Variants in ASTN2 observed in about 807,000 individuals in gnomAD.
ASTN2 encodes astrotactin-2.
ASTN2 carries 54 observed loss-of-function variants against 139.8 expected under a neutral mutation model. That is an observed-to-expected ratio of 0.39 (90% CI 0.31 to 0.48). The LOEUF is 0.48. ASTN2 is among the 20% of genes least tolerant of loss of function. The pLI is 0.95. For synonymous variants in ASTN2, 756 were observed against 719.5 expected, an observed-to-expected ratio of 1.05 and a Z score of -0.81; for missense variants, 1,565 against 1,725.1, an observed-to-expected ratio of 0.91 and a Z score of 1.64.
intron 11 of ASTN2, among the ~76,000 whole-genome samples, chr9:116,837,194 G>A (rs79326439): frequency 1.8e-3 from 275 of 152,266 alleles, no homozygotes; most frequent in Non-Finnish European, 3.2e-3. Flanking sequence ...ATCTGGGCAG[G>A]GGCTTGAGAA....
chr9:116,896,834 A>G (rs1333255184), intron 10 of ASTN2, among the ~76,000 whole-genome samples: 1 of 152,182 alleles, frequency 6.6e-6, no homozygotes, highest in Non-Finnish European at 1.5e-5. Flanking sequence ...GCATGGGGAC[A>G]CCATCCCAGT....
chr9:117,082,154 T>A (rs1386678132), intron 5 of ASTN2, among the ~76,000 whole-genome samples: 1 of 152,176 alleles, frequency 6.6e-6, no homozygotes. Flanking sequence ...CAGATCTGGT[T>A]GGCAAATGTC....
At chr9:116,453,407 C>G (rs1192583509) in intron 20 of ASTN2, among the ~76,000 whole-genome samples, 1 of 151,158 alleles carries the variant, frequency 6.6e-6, no homozygotes, top group Non-Finnish European at 1.5e-5. Context: ...TCCTGGCTAA[C>G]ACGGTGAAAC....
intron 1 of ASTN2, among the ~76,000 whole-genome samples, chr9:117,334,252 G>A (rs966594989): frequency 2.6e-5 from 4 of 152,080 alleles, no homozygotes; most frequent in African/African-American, 9.7e-5. Context: ...AAAAGGGCTG[G>A]CATATGATGA....
At chr9:116,680,976 C>T (rs1859825536) in intron 16 of ASTN2, among the ~76,000 whole-genome samples, 1 of 152,146 alleles carries the variant, frequency 6.6e-6, no homozygotes, top group Admixed American at 6.5e-5. Flanking sequence ...GACAGGGATG[C>T]CCTCTCTCAC....
Position 116,876,313 on chromosome 9 carries a change from T to C in ASTN2, c.1890-12580A>G, listed in dbSNP as rs1344212171. Reference sequence around the variant, plus strand: ...TGACTGAATTGCTGCAATCTCATGATAAAACTAATGAGAAGTTGCTTCTTG... The same window carrying C: ...TGACTGAATTGCTGCAATCTCATGACAAAACTAATGAGAAGTTGCTTCTTG... On this transcript the variant is annotated intron_variant, in intron 10 of 22. Transcript: ENST00000313400. 2.0e-5 allele frequency among the ~76,000 whole-genome samples: 3 copies of C among 152,216 alleles called. No homozygotes were observed. The East Asian group carries it at 5.8e-4, about 29-fold the overall frequency.
Position 116,534,831 on chromosome 9 carries a change from T to C in ASTN2, c.3356-47331A>G, listed in dbSNP as rs538481780. 5.3e-5 allele frequency among the ~76,000 whole-genome samples: 8 copies of C among 152,348 alleles called. No homozygotes were observed. In the East Asian group the frequency reaches 1.2e-3, roughly 22 times the overall value. ...GCGATGTGGTGCTGAGAAGAATGTA[T>C]ATTCTGTTGACTTGGGGTGGAGAGT... On this transcript the variant is annotated intron_variant, in intron 19 of 22. Coordinates refer to ENST00000313400, the MANE Select transcript of ASTN2 (RefSeq NM_001365068.1).
chr9:116,878,624 T>C (rs760936705), intron 10 of ASTN2, among the ~76,000 whole-genome samples: 3 of 151,972 alleles, frequency 2.0e-5, no homozygotes, highest in Non-Finnish European at 4.4e-5. Flanking sequence ...GATGGGTTGA[T>C]AGGTGCAGCA....
At chr9:117,002,912 T>C (rs1837232623) in intron 7 of ASTN2, among the ~76,000 whole-genome samples, 1 of 152,218 alleles carries the variant, frequency 6.6e-6, no homozygotes, top group Admixed American at 6.5e-5. Context: ...CCCCTTCATC[T>C]GTTCAGGGCT....
intron 12 of ASTN2, among the ~76,000 whole-genome samples, chr9:116,815,489 T>C (rs1831286879): frequency 6.6e-6 from 1 of 151,968 alleles, no homozygotes; most frequent in Admixed American, 6.6e-5. Flanking sequence ...CTCTAAATGA[T>C]CTGAAAAATA....
intron 22 of ASTN2, among the ~76,000 whole-genome samples, chr9:116,429,705 G>C (rs1847435542): frequency 6.6e-6 from 1 of 152,110 alleles, no homozygotes; most frequent in African/African-American, 2.4e-5. Flanking sequence ...ATATGAACTA[G>C]TTTAAGCCTT....
chr9:116,829,498 C>T (rs1218314661), intron 11 of ASTN2, among the ~76,000 whole-genome samples: 2 of 152,002 alleles, frequency 1.3e-5, no homozygotes, highest in African/African-American at 4.8e-5. Context: ...GTTTAATTGG[C>T]TTATGGTTTC....
At chr9:116,732,889 A>G (rs1333092326) in intron 14 of ASTN2, among the ~76,000 whole-genome samples, 1 of 152,106 alleles carries the variant, frequency 6.6e-6, no homozygotes, top group African/African-American at 2.4e-5. Flanking sequence ...TAGCTTCCTA[A>G]TCTATCAAAT....
At chr9:117,013,492 T>A (rs147282982) in intron 6 of ASTN2, among the ~76,000 whole-genome samples, 50,172 of 147,658 alleles carry the variant, frequency 0.34, 8,952 homozygotes, top group Admixed American at 0.47. Flanking sequence ...ATATATTTTT[T>A]TTTTTCTCCC....
intron 1 of ASTN2, among the ~76,000 whole-genome samples, chr9:117,358,673 A>T (rs1829612366): frequency 6.6e-6 from 1 of 152,138 alleles, no homozygotes; most frequent in East Asian, 1.9e-4. Flanking sequence ...CTTTCTCAGC[A>T]TCTGCTCTCT....
At chr9:116,467,457 A>C (rs1221352906) in intron 20 of ASTN2, among the ~76,000 whole-genome samples, 1 of 152,112 alleles carries the variant, frequency 6.6e-6, no homozygotes, top group Non-Finnish European at 1.5e-5. Flanking sequence ...AATAGAGACA[A>C]GGTTTCACCA....
In ASTN2 at chr9:117,089,512, T is replaced by TG. The variant is rs1554777251; in HGVS notation, c.1276+6531dup. ...AATAGACTCTTTTATTTATTTTTTG[T>TG]GTTTTTTTCCCCATTCTTTATTATT... On this transcript the variant is annotated intron_variant, in intron 5 of 22. Transcript: ENST00000313400. Among the ~76,000 whole-genome samples, 869 of 109,162 alleles carry TG rather than the reference T, an allele frequency of 8.0e-3. 23 individuals are homozygous for TG. Among genetic ancestry groups the TG allele is most frequent in the East Asian group, 0.07 (284 of 4,072 alleles). The allele number at this position is 109,162 out of a possible 152,430, so 71.6% of individuals were successfully genotyped here.
Position 117,379,256 on chromosome 9 carries a change from T to A in ASTN2, c.442+35241A>T, listed in dbSNP as rs140650619. Among the ~76,000 whole-genome samples, 895 of 152,176 alleles carry A rather than the reference T, an allele frequency of 5.9e-3. 3 individuals carry two copies. The highest frequency in any genetic ancestry group is 9.8e-3 in the Non-Finnish European group (666 of 68,006). On this transcript the variant is annotated intron_variant, in intron 1 of 22. Transcript: ENST00000313400. ...TTGATATGCTTCCCCACCACGACAG[T>A]CTAGAGCCGGGCGTAGGCAGCGAAA...
intron 2 of ASTN2, among the ~76,000 whole-genome samples, chr9:117,238,775 A>G (rs1428962887): frequency 6.6e-6 from 1 of 152,188 alleles, no homozygotes; most frequent in Admixed American, 6.5e-5. Context: ...AGTGACCGCT[A>G]TAAAGATTAA....
Sources: allele counts gnomAD v4.1 joint callset (sites outside exome capture counted in the v4.1 genomes callset), GRCh38; gene constraint gnomAD v4.1.1; transcripts MANE v1.5; gene names NCBI Gene and HGNC (gene_info 2026-07-23, HGNC 2026-07-21).